ANO1: variants seen among roughly 807,000 people sequenced by gnomAD.
ANO1 encodes the protein anoctamin-1.
Under a neutral mutation model 124.0 loss-of-function variants are expected in ANO1, and 59 were observed. That is an observed-to-expected ratio of 0.48 (90% CI 0.39 to 0.59). The LOEUF is 0.59. Among genes scored for constraint, ANO1 ranks in the 20% least tolerant of loss-of-function variants. The probability of loss-of-function intolerance (pLI) is 0.00; values close to 1 mark genes in which losing one functional copy is unlikely to be tolerated. For missense variants in ANO1, 1,059 were observed against 1,328.0 expected, an observed-to-expected ratio of 0.80 and a Z score of 3.15; for synonymous variants, 529 against 532.0, an observed-to-expected ratio of 0.99 and a Z score of 0.08.
chr11:70,141,064 C>T (rs2155449), intron 11 of ANO1, among the ~76,000 whole-genome samples: 2 of 151,820 alleles, frequency 1.3e-5, no homozygotes, highest in Admixed American at 1.3e-4. Flanking sequence ...AGATGCGCAC[C>T]CCGGCCCATC....
At chr11:69,995,090 ACT>A (rs1554998153) in intron 1 of ANO1, among the ~76,000 whole-genome samples, 1 of 72,438 alleles carries the variant, frequency 1.4e-5, no homozygotes, top group Non-Finnish European at 2.8e-5. Context: ...AAATGCTGGC[ACT>A]GTTTTTTTTT....
rs2044098061 is a variant in ANO1 at position 70,078,524 on chromosome 11, T to C, written c.-83T>C. On this transcript the variant is annotated 5_prime_UTR_variant, in exon 1 of 26. Transcript: ENST00000355303. ...CCCCCTGCGAGCGCGCCGCGAACGC[T>C]GCGGTCTCCGCCCGCAGAGGCCGCC... 3 of 885,648 alleles carry C rather than the reference T, an allele frequency of 3.4e-6. No homozygotes were observed. The highest frequency in any genetic ancestry group is 1.3e-4 in the East Asian group (2 of 15,838). The allele number at this position is 885,648 out of a possible 1,614,324, so 54.9% of individuals were successfully genotyped here.
At chr11:70,158,228 A>G (rs1314751545) in intron 16 of ANO1, among the ~76,000 whole-genome samples, 1 of 152,028 alleles carries the variant, frequency 6.6e-6, no homozygotes, top group East Asian at 1.9e-4. Context: ...AGGGACTTCA[A>G]CCCCCAATGG....
rs542230758 is a variant in ANO1 at position 70,149,591 on chromosome 11, A to G, written c.1259-119A>G. The G allele has an allele frequency of 3.9e-6, 4 of 1,019,626 alleles. No homozygotes were observed. In the East Asian group the frequency reaches 1.1e-4, roughly 27 times the overall value. 63.2% of individuals were successfully genotyped at this position (1,019,626 alleles called of 1,614,324 possible). On this transcript the variant is annotated intron_variant, in intron 11 of 25. Coordinates refer to ENST00000355303, the MANE Select transcript of ANO1 (RefSeq NM_018043.7). ...GCTTGAACCCAGGAGGCGAGATTGC[A>G]GTGGGTGGAGATTGCGCCATTGCAC...
chr11:70,030,946 T>C (rs935582498), intron 1 of ANO1, among the ~76,000 whole-genome samples: 1 of 152,202 alleles, frequency 6.6e-6, no homozygotes, highest in Non-Finnish European at 1.5e-5. Flanking sequence ...GGTTTCGTTT[T>C]GTTTTGTTTC....
intron 1 of ANO1, among the ~76,000 whole-genome samples, chr11:70,084,908 C>A (rs1365983586): frequency 6.6e-6 from 1 of 152,184 alleles, no homozygotes; most frequent in Non-Finnish European, 1.5e-5. Flanking sequence ...GGGCAGCTCA[C>A]CCGTGGGAGC....
intron 1 of ANO1, among the ~76,000 whole-genome samples, chr11:69,995,516 C>T (rs1182896124): frequency 6.6e-6 from 1 of 152,190 alleles, no homozygotes; most frequent in Non-Finnish European, 1.5e-5. Flanking sequence ...CCTCATGACT[C>T]TTTAGGCTCC....
intron 1 of ANO1, among the ~76,000 whole-genome samples, chr11:70,028,135 C>T (rs1856941699): frequency 6.6e-6 from 1 of 152,198 alleles, no homozygotes; most frequent in African/African-American, 2.4e-5. Context: ...GAGATGAATA[C>T]ATTTTAAAAT....
chr11:69,993,371 C>CAATTAGAAA (rs1486835482), intron 1 of ANO1, among the ~76,000 whole-genome samples: 1 of 152,132 alleles, frequency 6.6e-6, no homozygotes, highest in African/African-American at 2.4e-5. Flanking sequence ...TTGATGTGAG[C>CAATTAGAAA]AATTAGAAAG....
rs987541643 is a variant in ANO1 at position 70,110,803 on chromosome 11, C to T, written c.800-904C>T. ...ACGCCCCCGCCTGGCTGGGCCCCCA[C>T]GATGTATTTGGAGCAAGATCTGATT... is the stretch of plus-strand genomic sequence containing the variant. On this transcript the variant is annotated intron_variant, in intron 6 of 25. Transcript: ENST00000355303. Among the ~76,000 whole-genome samples, 6 of 152,362 alleles carry T rather than the reference C, an allele frequency of 3.9e-5. 1 individual carries two copies. The highest frequency in any genetic ancestry group is 3.4e-3 in the Middle Eastern group (1 of 294).
chr11:70,026,546 A>G (rs1856911940), intron 1 of ANO1, among the ~76,000 whole-genome samples: 1 of 151,644 alleles, frequency 6.6e-6, no homozygotes, highest in African/African-American at 2.4e-5. Context: ...GATGATGATA[A>G]AAATGACAAT....
intron 1 of ANO1, among the ~76,000 whole-genome samples, chr11:70,034,107 C>T (rs971070140): frequency 9.9e-5 from 15 of 152,100 alleles, no homozygotes; most frequent in African/African-American, 2.2e-4. Context: ...AATTTCATTG[C>T]GCATGGAGCC....
chr11:70,146,436 G>T (rs2047381075), intron 11 of ANO1, among the ~76,000 whole-genome samples: 1 of 152,194 alleles, frequency 6.6e-6, no homozygotes, highest in Admixed American at 6.5e-5. Context: ...GGGCGAGCCG[G>T]AGCGGTAGTG....
chr11:70,017,268 C>A (rs766421315), intron 1 of ANO1, among the ~76,000 whole-genome samples: 1 of 152,178 alleles, frequency 6.6e-6, no homozygotes, highest in Non-Finnish European at 1.5e-5. Flanking sequence ...CCTACCCCAA[C>A]GGAACTGCAA....
At chr11:70,110,840 C>T (rs1175587995) in intron 6 of ANO1, among the ~76,000 whole-genome samples, 3 of 152,240 alleles carry the variant, frequency 2.0e-5, no homozygotes, top group East Asian at 3.8e-4. Context: ...CCAGGAAACC[C>T]TTCCCCACAC....
intron 10 of ANO1, among the ~76,000 whole-genome samples, chr11:70,128,234 G>A (rs553025877): frequency 2.0e-5 from 3 of 149,760 alleles, no homozygotes; most frequent in Non-Finnish European, 3.0e-5. Flanking sequence ...TTGGTCCTAG[G>A]CAGGAGAAAG....
At chr11:70,079,583 G>T (rs1388796454) in intron 1 of ANO1, among the ~76,000 whole-genome samples, 3 of 152,140 alleles carry the variant, frequency 2.0e-5, no homozygotes, top group Admixed American at 2.0e-4. Context: ...GCTGGGACTG[G>T]CTATCTCCTC....
At chr11:70,124,487 T>G (rs1209854719) in intron 9 of ANO1, 73 bp downstream of exon 9, 1 of 1,477,628 alleles carries the variant, frequency 6.8e-7, no homozygotes, top group East Asian at 2.3e-5. Flanking sequence ...CCTGTGGGTT[T>G]CAACCGCTCT....
chr11:70,037,974 G>A (rs1025007218), intron 1 of ANO1, among the ~76,000 whole-genome samples: 3 of 152,178 alleles, frequency 2.0e-5, no homozygotes, highest in African/African-American at 7.2e-5. Context: ...GAAAAGGTGA[G>A]TGAGCATGAG....
Sources: allele counts gnomAD v4.1 joint callset (sites outside exome capture counted in the v4.1 genomes callset), GRCh38; gene constraint gnomAD v4.1.1; transcripts MANE v1.5; gene names NCBI Gene and HGNC (gene_info 2026-07-23, HGNC 2026-07-21).